The following MPG variants were observed in gnomAD, a reference collection of about 807,000 sequenced individuals.
MPG encodes DNA-3-methyladenine glycosylase.
MPG carries 33 observed loss-of-function variants against 31.7 expected under a neutral mutation model. The observed-to-expected ratio is 1.04, with a 90% CI of 0.79 to 1.39. The LOEUF is 1.39. MPG is among the 40% of genes most tolerant of loss of function. The probability of loss-of-function intolerance (pLI) is 0.00; values close to 1 mark genes in which losing one functional copy is unlikely to be tolerated. For missense variants in MPG, 455 were observed against 415.5 expected (o/e 1.10, Z -0.83); for synonymous variants, 202 against 169.2 (o/e 1.19, Z -1.51).
At chr16:84,999 C>G (rs1165011479) in intron 3 of MPG, among the ~76,000 whole-genome samples, 1 of 152,258 alleles carries the variant, frequency 6.6e-6, no homozygotes, top group Non-Finnish European at 1.5e-5. Flanking sequence ...GCTTCCTTTG[C>G]TGGCTTTATA....
intron 2 of MPG, 34 bp from the exon 3 acceptor site, chr16:83,018 C>A: frequency 1.3e-6 from 2 of 1,546,900 alleles, no homozygotes; most frequent in Non-Finnish European, 1.8e-6. Context: ...ACCCCCATCC[C>A]TTCCCGCCCT....
intron 3 of MPG, 185 bp downstream of exon 3, chr16:83,441 G>T (rs1898312076): frequency 3.3e-6 from 2 of 615,196 alleles, no homozygotes; most frequent in East Asian, 3.0e-5. Context: ...GGTTAAAGGG[G>T]TAGAAAGGGC....
At chr16:79,253 G>C (rs368196338) in intron 1 of MPG, 172 bp from the exon 2 acceptor site, 3 of 1,553,494 alleles carry the variant, frequency 1.9e-6, no homozygotes, top group South Asian at 1.2e-5. Flanking sequence ...CTGAGGCCTC[G>C]AGTGTGTCAG....
intron 2 of MPG, 43 bp from the exon 3 acceptor site, chr16:83,009 C>T (rs957448248): frequency 6.6e-7 from 1 of 1,508,968 alleles, no homozygotes; most frequent in Admixed American, 1.9e-5. Context: ...GGTGAGTGGA[C>T]CCCCATCCCT....
chr16:78,029 AG>A, upstream of MPG: 1 of 279,808 alleles, frequency 3.6e-6, no homozygotes, highest in Non-Finnish European at 6.7e-6. Context: ...CCCCACCCCC[AG>A]GTGCCCCTTC....
chr16:80,700 T>C (rs1375898287), intron 2 of MPG, among the ~76,000 whole-genome samples: 2 of 152,054 alleles, frequency 1.3e-5, no homozygotes, highest in African/African-American at 2.4e-5. Context: ...TCTCAGCTAC[T>C]TGGGAGGCTG....
chr16:79,538 A>C lies in MPG; in HGVS notation c.138A>C (p.Ala46=). The change falls in exon 2 of 4, where the codon GCA becomes GCC. Residue 46 remains alanine, a synonymous_variant. Coordinates refer to ENST00000356432, the MANE Select transcript of MPG (RefSeq NM_001015052.3). Reference sequence around the variant, plus strand: ...AGCAGCCACACAGCTCGTCCGATGCAGCCCAGGCACCTTGCCCCAGGGAGC... The same window carrying C: ...AGCAGCCACACAGCTCGTCCGATGCCGCCCAGGCACCTTGCCCCAGGGAGC... ...PAEQPHSSSD[A]AQAPCPRERC... The C allele has an allele frequency of 6.2e-7, 1 of 1,613,000 alleles. No individual in the cohort carries two copies. The highest frequency in any genetic ancestry group is 8.5e-7 in the Non-Finnish European group (1 of 1,179,992).
At chr16:78,179 CT>C (rs897377598), upstream of MPG, 133 of 781,546 alleles carry the variant, frequency 1.7e-4, no homozygotes, top group African/African-American at 4.4e-4. Context: ...CACTGCCCCC[CT>C]TCTCCCGGCT....
upstream of MPG, among the ~76,000 whole-genome samples, chr16:77,410 G>C (rs1219038529): frequency 6.6e-6 from 1 of 152,192 alleles, no homozygotes; most frequent in Non-Finnish European, 1.5e-5. Context: ...CCCTCCCTAG[G>C]GGCATGGATC....
chr16:80,250 T>C (rs1477957540), intron 2 of MPG, among the ~76,000 whole-genome samples: 1 of 152,244 alleles, frequency 6.6e-6, no homozygotes, highest in Non-Finnish European at 1.5e-5. Context: ...GCATCTTGGC[T>C]GGATCTGTTG....
At chr16:79,315 TGAA>T in intron 1 of MPG, 107 bp from the exon 2 acceptor site, 1 of 1,609,454 alleles carries the variant, frequency 6.2e-7, no homozygotes, top group Non-Finnish European at 8.5e-7. Flanking sequence ...GCTTTGCAGA[TGAA>T]GAAACCAAAG....
chr16:79,745 C>T (rs1415341008), intron 2 of MPG, 45 bp downstream of exon 2: 14 of 1,518,822 alleles, frequency 9.2e-6, no homozygotes, highest in Non-Finnish European at 2.7e-6. Context: ...GTGCCTGTCA[C>T]TGCAGTTGTC....
intron 2 of MPG, among the ~76,000 whole-genome samples, chr16:80,336 C>A (rs1898206170): frequency 6.6e-6 from 1 of 152,206 alleles, no homozygotes; most frequent in Non-Finnish European, 1.5e-5. Flanking sequence ...GGCTCCAAGG[C>A]CTTCCCTTTG....
chr16:77,590 T>C (rs577933545), upstream of MPG, among the ~76,000 whole-genome samples: 2 of 152,192 alleles, frequency 1.3e-5, no homozygotes, highest in Non-Finnish European at 2.9e-5. Flanking sequence ...CGAGCTCCCT[T>C]CAGCATCCCT....
intron 3 of MPG, among the ~76,000 whole-genome samples, chr16:83,946 C>T (rs918467784): frequency 3.8e-4 from 57 of 151,738 alleles, no homozygotes; most frequent in African/African-American, 1.1e-3. Flanking sequence ...GACTTAGGGT[C>T]GGCGGAGGAG....
chr16:79,533 G>A lies in MPG; in HGVS notation c.133G>A (p.Asp45Asn), dbSNP rs112910924. The change falls in exon 2 of 4, where the codon GAT (aspartate) becomes AAT (asparagine). Residue 45 changes from aspartate to asparagine, a missense_variant. By Grantham distance (23) the Asp-to-Asn change is conservative. Coordinates refer to ENST00000356432, the MANE Select transcript of MPG (RefSeq NM_001015052.3). The part of the protein sequence containing the change: ...APAEQPHSSS[D>N]AAQAPCPRER... ...TGCAGAGCAGCCACACAGCTCGTCC[G>A]ATGCAGCCCAGGCACCTTGCCCCAG... The A allele has an allele frequency of 1.4e-5, 23 of 1,612,874 alleles. No individual in the cohort carries two copies. The African/African-American group carries it at 2.1e-4, about 15-fold the overall frequency.
At chr16:82,408 G>T (rs1371301286) in intron 2 of MPG, among the ~76,000 whole-genome samples, 2 of 152,214 alleles carry the variant, frequency 1.3e-5, no homozygotes, top group African/African-American at 4.8e-5. Context: ...GGATGTGGTT[G>T]GTCCCCAGTG....
Position 79,984 on chromosome 16 carries a change from G to A in MPG, c.300+284G>A, listed in dbSNP as rs1898197879. 1.1e-5 allele frequency: 6 copies of A among 530,732 alleles called. No individual in the cohort carries two copies. In the South Asian group the frequency reaches 1.4e-4, roughly 12 times the overall value. The allele number at this position is 530,732 out of a possible 1,614,324, so 32.9% of individuals were successfully genotyped here. ...TAGGGCAGGAGCACTTGCACCGTTA[G>A]CCTTCCTCACCGGCAATCCACCTCA... On this transcript the variant is annotated intron_variant, in intron 2 of 3. Transcript: ENST00000356432.
Position 78,338 on chromosome 16 carries a change from G to C in MPG, c.24+5G>C. 3 of 1,260,344 alleles carry C rather than the reference G, an allele frequency of 2.4e-6. No individual in the cohort carries two copies. Among genetic ancestry groups the C allele is most frequent in the Non-Finnish European group, 2.0e-6 (2 of 1,003,140 alleles). 78.1% of individuals were successfully genotyped at this position (1,260,344 alleles called of 1,614,324 possible). On this transcript the variant is annotated splice_donor_5th_base_variant and intron_variant, in intron 1 of 3. Coordinates refer to ENST00000356432, the MANE Select transcript of MPG (RefSeq NM_001015052.3). ...CCCGCGCGCAGCGGGGCCCAGGTGA[G>C]CGCGCGCCTCGGCCGCCCCGCGGAA...
Sources: allele counts gnomAD v4.1 joint callset (sites outside exome capture counted in the v4.1 genomes callset), GRCh38; gene constraint gnomAD v4.1.1; transcripts MANE v1.5; gene names NCBI Gene and HGNC (gene_info 2026-07-23, HGNC 2026-07-21).